The following NALF1 variants were observed in gnomAD, a reference collection of about 807,000 sequenced individuals.
The protein encoded by NALF1 is family with sequence similarity 155 member A.
A neutral mutation model predicts 48.4 loss-of-function variants in NALF1; 3 were observed. The ratio of observed to expected loss-of-function variants is 0.06; its 90% CI spans 0.03 to 0.16. NALF1 has a LOEUF of 0.16. Ranked by LOEUF, NALF1 falls within the 10% of genes least tolerant of loss-of-function variation. The pLI, the probability that NALF1 is intolerant of heterozygous loss-of-function variation, is 1.00. For missense variants in NALF1, 526 were observed against 571.5 expected, an observed-to-expected ratio of 0.92 and a Z score of 0.81; for synonymous variants, 262 against 245.7, an observed-to-expected ratio of 1.07 and a Z score of -0.62.
chr13:107,443,548 T>C lies in NALF1; in HGVS notation c.916-232793A>G, dbSNP rs528780509. 3.3e-5 allele frequency among the ~76,000 whole-genome samples: 5 copies of C among 152,338 alleles called. No individual in the cohort carries two copies. The South Asian group carries it at 8.3e-4, about 25-fold the overall frequency. The stretch of plus-strand genomic sequence containing the variant: ...ATATATTTAAATGTTAATGTTTATT[T>C]GTGAGAAAAATTCTCACTTAAAAAT... On this transcript the variant is annotated intron_variant, in intron 1 of 2. Transcript: ENST00000375915.
At chr13:107,288,747 G>A (rs1190909392) in intron 1 of NALF1, among the ~76,000 whole-genome samples, 1 of 151,176 alleles carries the variant, frequency 6.6e-6, no homozygotes, top group Non-Finnish European at 1.5e-5. Flanking sequence ...TGGTCAGGCT[G>A]GTCTTGAAGT....
At chr13:107,791,055 T>G (rs1031035893) in intron 1 of NALF1, among the ~76,000 whole-genome samples, 2 of 152,186 alleles carry the variant, frequency 1.3e-5, no homozygotes, top group African/African-American at 4.8e-5. Context: ...AAAAAGGTTG[T>G]AAAGGTGGCA....
chr13:107,546,426 T>C (rs576696683), intron 1 of NALF1, among the ~76,000 whole-genome samples: 2 of 152,328 alleles, frequency 1.3e-5, no homozygotes, highest in Non-Finnish European at 2.9e-5. Context: ...ATGGGTGATA[T>C]GTCCAGAATA....
chr13:107,458,147 G>A (rs1884855029), intron 1 of NALF1, among the ~76,000 whole-genome samples: 1 of 152,136 alleles, frequency 6.6e-6, no homozygotes, highest in Admixed American at 6.5e-5. Context: ...CCTGCTGCAT[G>A]CCATATTAGA....
chr13:107,600,640 T>C (rs570197010), intron 1 of NALF1, among the ~76,000 whole-genome samples: 1 of 152,326 alleles, frequency 6.6e-6, no homozygotes, highest in Non-Finnish European at 1.5e-5. Flanking sequence ...GATGCTTACC[T>C]AGGCACTAAG....
chr13:107,189,819 AT>A (rs1351319881), intron 2 of NALF1, among the ~76,000 whole-genome samples: 1 of 152,204 alleles, frequency 6.6e-6, no homozygotes, highest in Non-Finnish European at 1.5e-5. Context: ...CATGAAGCAC[AT>A]TTAGGAATTT....
At chr13:107,824,112 A>T (rs1193215139) in intron 1 of NALF1, among the ~76,000 whole-genome samples, 1 of 152,180 alleles carries the variant, frequency 6.6e-6, no homozygotes, top group African/African-American at 2.4e-5. Flanking sequence ...TGAATAAACA[A>T]ATGAATATTT....
chr13:107,244,731 G>A lies in NALF1; in HGVS notation c.916-33976C>T, dbSNP rs148525486. On this transcript the variant is annotated intron_variant, in intron 1 of 2. Transcript: ENST00000375915. ...GTTTTTGAAAAGAAAACACAGAAAGGCAGTCTATGGTTGGTATATGAGAAA... is the reference window on the plus strand; with the variant it reads ...GTTTTTGAAAAGAAAACACAGAAAGACAGTCTATGGTTGGTATATGAGAAA... Among the ~76,000 whole-genome samples the A allele has an allele frequency of 7.3e-3, 1,110 of 152,222 alleles. 7 individuals carry two copies. Among genetic ancestry groups the A allele is most frequent in the Middle Eastern group, 0.02 (6 of 294 alleles).
At chr13:107,182,916 G>T (rs1009448583) in intron 2 of NALF1, among the ~76,000 whole-genome samples, 3 of 152,110 alleles carry the variant, frequency 2.0e-5, no homozygotes, top group Non-Finnish European at 2.9e-5. Context: ...AAATAAAAAC[G>T]GGGGATGGCA....
chr13:107,828,594 TATCTATATCTATACACACAC>T (rs1288754415), intron 1 of NALF1, among the ~76,000 whole-genome samples: 1 of 75,196 alleles, frequency 1.3e-5, no homozygotes, highest in Non-Finnish European at 2.8e-5. Flanking sequence ...TATCTATCTA[TATCTATATCTATACACACAC>T]ACACACACAC....
At chr13:107,601,413 T>C (rs1244510162) in intron 1 of NALF1, among the ~76,000 whole-genome samples, 4 of 152,180 alleles carry the variant, frequency 2.6e-5, no homozygotes, top group Non-Finnish European at 4.4e-5. Flanking sequence ...TTTCTTGAGA[T>C]ATGTATCCAA....
At chr13:107,757,677 A>T (rs1877148995) in intron 1 of NALF1, among the ~76,000 whole-genome samples, 1 of 152,092 alleles carries the variant, frequency 6.6e-6, no homozygotes, top group African/African-American at 2.4e-5. Flanking sequence ...TGTGTAACTG[A>T]TTAAATTCTT....
At chr13:107,519,199 G>C (rs983707180) in intron 1 of NALF1, among the ~76,000 whole-genome samples, 1 of 151,848 alleles carries the variant, frequency 6.6e-6, no homozygotes, top group African/African-American at 2.4e-5. Context: ...TCTCCAACCA[G>C]AACCACAATA....
At chr13:107,203,587 C>T (rs1051675766) in intron 2 of NALF1, among the ~76,000 whole-genome samples, 1 of 145,164 alleles carries the variant, frequency 6.9e-6, no homozygotes, top group Non-Finnish European at 1.5e-5. Context: ...AAAAGGACAG[C>T]CATCAGGTGC....
intron 1 of NALF1, among the ~76,000 whole-genome samples, chr13:107,861,870 A>C (rs1566509803): frequency 6.6e-6 from 1 of 151,390 alleles, no homozygotes; most frequent in Non-Finnish European, 1.5e-5. Flanking sequence ...TTATGTAACC[A>C]AACTCTATGT....
At chr13:107,360,103 G>T (rs930062692) in intron 1 of NALF1, among the ~76,000 whole-genome samples, 17 of 152,166 alleles carry the variant, frequency 1.1e-4, no homozygotes, top group African/African-American at 4.1e-4. Context: ...AGAAATAATT[G>T]CTTTGATGAT....
At position 107,426,061 on chromosome 13, in the gene NALF1, G is replaced by A. The variant is rs560577343; in HGVS notation, c.916-215306C>T. 7.9e-5 allele frequency among the ~76,000 whole-genome samples: 12 copies of A among 152,270 alleles called. 1 individual carries two copies. The South Asian group carries it at 2.5e-3, about 32-fold the overall frequency. On this transcript the variant is annotated intron_variant, in intron 1 of 2. Coordinates refer to ENST00000375915, the MANE Select transcript of NALF1 (RefSeq NM_001080396.3). ...TCCTCAGGACCTTACTCGCTGCTGT[G>A]CACTTTGTGGCCTCCTCTTGCTCCT...
At chr13:107,183,092 G>A (rs1223172195) in intron 2 of NALF1, among the ~76,000 whole-genome samples, 4 of 152,060 alleles carry the variant, frequency 2.6e-5, no homozygotes, top group East Asian at 1.9e-4. Context: ...TGCCTCCCTC[G>A]CCATCTCCCA....
At chr13:107,292,205 T>C (rs1039416383) in intron 1 of NALF1, among the ~76,000 whole-genome samples, 1 of 151,960 alleles carries the variant, frequency 6.6e-6, no homozygotes, top group South Asian at 2.1e-4. Context: ...TATCTAAACA[T>C]AGAAAGGTAC....
Sources: gnomAD v4.1 joint callset for allele counts (sites outside exome capture counted in the v4.1 genomes callset) on GRCh38, gnomAD v4.1.1 for gene constraint, MANE v1.5 for transcripts, NCBI Gene and HGNC (gene_info 2026-07-23, HGNC 2026-07-21) for gene names.